Variants in OSBPL11 observed in about 807,000 individuals in gnomAD.
The protein encoded by OSBPL11 is oxysterol binding protein like 11, also known as oxysterol-binding protein-related protein 11.
In OSBPL11, 33 loss-of-function variants were observed where a neutral mutation model predicts 84.4. That is an observed-to-expected ratio of 0.39 (90% CI 0.30 to 0.52). OSBPL11 has a LOEUF of 0.52. OSBPL11 is among the 20% of genes least tolerant of loss of function. OSBPL11 has a pLI of 0.72. For synonymous variants in OSBPL11, 276 were observed against 310.2 expected (o/e 0.89, Z 1.16); for missense variants, 736 against 901.1 (o/e 0.82, Z 2.35).
chr3:125,565,158 T>C (rs183821010), intron 6 of OSBPL11, among the ~76,000 whole-genome samples: 126 of 152,224 alleles, frequency 8.3e-4, no homozygotes, highest in African/African-American at 2.8e-3. Context: ...AGCAGGAGAA[T>C]AGCATGAGCC....
intron 2 of OSBPL11, among the ~76,000 whole-genome samples, chr3:125,580,744 T>A (rs1348799698): frequency 6.6e-6 from 1 of 152,028 alleles, no homozygotes; most frequent in African/African-American, 2.4e-5. Flanking sequence ...TCACCGGAAA[T>A]AAATCAAAAT....
intron 9 of OSBPL11, 99 bp downstream of exon 9, chr3:125,552,082 T>G (rs1324199441): frequency 4.2e-6 from 3 of 714,506 alleles, no homozygotes; most frequent in Non-Finnish European, 5.6e-6. Context: ...TTCTAAAGCC[T>G]TTTAAAGTAA....
At chr3:125,567,955 C>T (rs879293423) in intron 5 of OSBPL11, among the ~76,000 whole-genome samples, 3 of 147,534 alleles carry the variant, frequency 2.0e-5, no homozygotes, top group Non-Finnish European at 4.4e-5. Context: ...GATCACACCA[C>T]TGAACTGCAG....
In OSBPL11 at chr3:125,561,352, T is replaced by A. The variant is rs571335036; in HGVS notation, c.1015-833A>T. Among the ~76,000 whole-genome samples, 73 of 152,326 alleles carry A rather than the reference T, an allele frequency of 4.8e-4. 1 individual carries two copies. The South Asian group carries it at 0.014, about 29-fold the overall frequency. On this transcript the variant is annotated intron_variant, in intron 7 of 12. Transcript: ENST00000296220. The stretch of plus-strand genomic sequence containing the variant: ...TCACATAACCTCCTCTCTTGTAAAA[T>A]TTACATGTTTATAATTATACTAAAC...
Position 125,576,248 on chromosome 3 carries a change from G to A in OSBPL11, c.607C>T (p.Leu203=). 1 of 1,610,962 alleles carries A rather than the reference G, an allele frequency of 6.2e-7. No individual in the cohort carries two copies. The highest frequency in any genetic ancestry group is 1.1e-5 in the South Asian group (1 of 90,584). The change falls in exon 5 of 13, where the codon CTG becomes TTG. Residue 203 remains leucine (L), a synonymous_variant. Coordinates refer to ENST00000296220, the MANE Select transcript of OSBPL11 (RefSeq NM_022776.5). ...ISFFNVGHSK[L]QSLSKRTNLP... ...TTAGTTCTTTTGCTCAGTGATTGCA[G>A]TTTGGAATGTCCAACATTAAAAAAA...
intron 11 of OSBPL11, among the ~76,000 whole-genome samples, chr3:125,533,353 T>C (rs1039959391): frequency 6.6e-6 from 1 of 151,992 alleles, no homozygotes; most frequent in African/African-American, 2.4e-5. Context: ...CTTTCTTGAG[T>C]AGCTGGGACT....
chr3:125,530,272 A>G lies in OSBPL11; in HGVS notation c.*243T>C. The G allele has an allele frequency of 2.2e-6, 1 of 461,396 alleles. No individual in the cohort carries two copies. Among genetic ancestry groups the G allele is most frequent in the Non-Finnish European group, 3.9e-6 (1 of 254,736 alleles). The allele number at this position is 461,396 out of a possible 1,614,324, so 28.6% of individuals were successfully genotyped here. ...GGATAAAAGATTCATCTACTGATTC[A>G]GGTAACAAGTTTTAAGATGGTATTG... On this transcript the variant is annotated 3_prime_UTR_variant, in exon 13 of 13. Transcript: ENST00000296220.
chr3:125,539,238 A>T (rs1935686250), intron 10 of OSBPL11, among the ~76,000 whole-genome samples: 1 of 146,974 alleles, frequency 6.8e-6, no homozygotes, highest in South Asian at 2.1e-4. Flanking sequence ...CATTATCACC[A>T]CAGAACTCAG....
chr3:125,536,737 A>C (rs1329768113), intron 11 of OSBPL11, among the ~76,000 whole-genome samples: 1 of 152,208 alleles, frequency 6.6e-6, no homozygotes, highest in Non-Finnish European at 1.5e-5. Context: ...TCATGAACAA[A>C]GTGATTAATT....
intron 5 of OSBPL11, among the ~76,000 whole-genome samples, chr3:125,568,430 C>CAAA (rs1052383358): frequency 1.3e-5 from 1 of 75,656 alleles, no homozygotes; most frequent in Non-Finnish European, 2.7e-5. Flanking sequence ...GACTACGTCT[C>CAAA]AAAAAAAAAA....
chr3:125,587,576 GAAC>G (rs759486774), intron 1 of OSBPL11, among the ~76,000 whole-genome samples: 10 of 152,186 alleles, frequency 6.6e-5, no homozygotes, highest in Non-Finnish European at 1.0e-4. Flanking sequence ...AAGAAATCAG[GAAC>G]AACTGAGTAG....
In OSBPL11 at chr3:125,552,411, C is replaced by G. The variant is rs761671798; in HGVS notation, c.1424G>C (p.Ser475Thr). The change falls in exon 9 of 13, where the codon AGT (serine) becomes ACT (threonine). Residue 475 changes from serine (S) to threonine (T), a missense_variant. Physicochemically the swap from Ser to Thr is moderately conservative, Grantham distance 58. Coordinates refer to ENST00000296220, the MANE Select transcript of OSBPL11 (RefSeq NM_022776.5). The part of the protein sequence containing the change: ...KSEVASSVFS[S>T]SSTQGVTNHA... ...ATTTGTGACTCCCTGGGTGGAAGAA[C>G]TGCTAAAAACACTGGATGCTACCTC... is the stretch of plus-strand genomic sequence containing the variant. 3 of 1,614,016 alleles carry G rather than the reference C, an allele frequency of 1.9e-6. No individual in the cohort carries two copies.
rs200031943 is a variant in OSBPL11, at chr3:125,594,767, C to G, written c.34G>C (p.Val12Leu). ...QGGEPVSTMK[V>L]SESEGKLEGQ... is the part of the protein sequence containing the mutation. ...TCCAGCTTTCCTTCGCTCTCCGAGA[C>G]TTTCATTGTGGACACTGGTTCACCC... Residue 12 changes from valine to leucine, a missense_variant, in exon 1 of 13, where the codon GTC becomes CTC. Around this residue, in one of 3 missense-constraint regions of OSBPL11, gnomAD observed 114 missense variants for 104.9 expected, o/e 1.09. Transcript: ENST00000296220. The G allele has an allele frequency of 4.3e-6, 7 of 1,614,082 alleles. No homozygotes were observed. Among genetic ancestry groups the G allele is most frequent in the Non-Finnish European group, 5.9e-6 (7 of 1,180,040 alleles).
intron 5 of OSBPL11, among the ~76,000 whole-genome samples, chr3:125,567,815 A>G (rs1936182167): frequency 6.6e-6 from 1 of 151,978 alleles, no homozygotes; most frequent in Non-Finnish European, 1.5e-5. Context: ...CAACATAGCA[A>G]GACCCCAACT....
rs373866357 is a variant in OSBPL11, at chr3:125,554,020, A to G, written c.1156-1341T>C. On this transcript the variant is annotated intron_variant, in intron 8 of 12. Transcript: ENST00000296220. ...GATTCCTAAAAAGGCTCAGGAGCTG[A>G]TCGCACTAGGTACCTCTGGATCTGG... Among the ~76,000 whole-genome samples, 82 of 152,372 alleles carry G rather than the reference A, an allele frequency of 5.4e-4. 1 individual carries two copies. The Middle Eastern group carries it at 0.017, about 32-fold the overall frequency.
intron 1 of OSBPL11, among the ~76,000 whole-genome samples, chr3:125,589,072 G>A (rs1269661666): frequency 6.6e-6 from 1 of 152,082 alleles, no homozygotes; most frequent in African/African-American, 2.4e-5. Context: ...GACAAAGCCG[G>A]GTGCGGTGGC....
At chr3:125,551,041 G>C (rs959203383) in intron 9 of OSBPL11, among the ~76,000 whole-genome samples, 17 of 151,784 alleles carry the variant, frequency 1.1e-4, no homozygotes, top group African/African-American at 3.9e-4. Flanking sequence ...GTGCATGCCT[G>C]TAGTCCTAGC....
At chr3:125,535,039 G>C (rs1343608493) in intron 11 of OSBPL11, among the ~76,000 whole-genome samples, 1 of 140,120 alleles carries the variant, frequency 7.1e-6, no homozygotes, top group Non-Finnish European at 1.6e-5. Flanking sequence ...AATTCAATGA[G>C]AAAGAAAACA....
At chr3:125,568,197 C>T (rs1030381476) in intron 5 of OSBPL11, among the ~76,000 whole-genome samples, 4 of 151,856 alleles carry the variant, frequency 2.6e-5, no homozygotes, top group South Asian at 2.1e-4. Flanking sequence ...TTTGGGAGGC[C>T]GAGGCAGGCA....
Sources: allele counts gnomAD v4.1 joint callset (sites outside exome capture counted in the v4.1 genomes callset), GRCh38; gene constraint gnomAD v4.1.1; regional missense constraint gnomAD v4.1.1; transcripts MANE v1.5; gene names NCBI Gene and HGNC (gene_info 2026-07-23, HGNC 2026-07-21).